ZSWIM8: variants seen among roughly 807,000 people sequenced by gnomAD.
ZSWIM8 encodes the protein zinc finger SWIM-type containing 8.
Under a neutral mutation model 173.7 loss-of-function variants are expected in ZSWIM8, and 27 were observed. The ratio of observed to expected loss-of-function variants is 0.16; its 90% confidence interval spans 0.11 to 0.21. The LOEUF (loss-of-function observed/expected upper bound fraction) is 0.21, where lower values mean the gene tolerates loss of function less well. ZSWIM8 is among the 10% of genes least tolerant of loss of function. ZSWIM8 has a pLI of 1.00. For missense variants in ZSWIM8, 1,627 were observed against 2,428.8 expected (o/e 0.67, Z 6.94); for synonymous variants, 958 against 962.0 (o/e 1.00, Z 0.08).
At position 73,801,041 on chromosome 10, in the gene ZSWIM8, G is replaced by T; in HGVS notation, c.5147G>T (p.Cys1716Phe). ...KLGVNYVHQF[C>F]VGAAKGVLSP... ...GGAGTGAACTACGTGCACCAGTTCT[G>T]TGTGGGGGCAGCCAAGGGGGTGCTG... Residue 1716 changes from cysteine (C) to phenylalanine (F), a missense_variant, in exon 25 of 26, where the codon TGT (cysteine) becomes TTT (phenylalanine). By Grantham distance (205) the Cys-to-Phe change is radical. Around this residue, in one of 18 missense-constraint regions of ZSWIM8, gnomAD observed 122 missense variants for 196.1 expected, o/e 0.62. Transcript: ENST00000604729. The surrounding 1 kb of genome is among the most constrained non-coding windows in gnomAD (Gnocchi z 4.9). 6.4e-7 allele frequency: 1 copy of T among 1,554,434 alleles called. No individual in the cohort carries two copies.
chr10:73,785,707 T>C lies in ZSWIM8; in HGVS notation c.-172T>C, dbSNP rs1391274318. ...CACCGCGCTGTTGGGCGAGGCCCGG[T>C]CCCGTCTCTTTCCCAGGCCTGAGAT... On this transcript the variant is annotated 5_prime_UTR_variant, in exon 1 of 26. Transcript: ENST00000604729. The C allele has an allele frequency of 1.4e-6, 1 of 714,928 alleles. No homozygotes were observed. Among genetic ancestry groups the C allele is most frequent in the Admixed American group, 2.1e-5 (1 of 46,554 alleles). The allele number at this position is 714,928 out of a possible 1,614,324, so 44.3% of individuals were successfully genotyped here.
intron 10 of ZSWIM8, 51 bp from the exon 11 acceptor site, chr10:73,793,537 G>C: frequency 1.3e-6 from 2 of 1,529,052 alleles, no homozygotes; most frequent in Non-Finnish European, 1.8e-6. Flanking sequence ...ATGATGTCCT[G>C]CTCCTGGAAG....
chr10:73,799,899 C>A, intron 21 of ZSWIM8, 112 bp from the exon 22 acceptor site: 2 of 921,914 alleles, frequency 2.2e-6, no homozygotes, highest in Non-Finnish European at 3.2e-6. Flanking sequence ...GAGGACAGAG[C>A]GAGACTCTAT....
rs1417073589 is a variant in ZSWIM8 at position 73,792,836 on chromosome 10, A to G, written c.2297A>G (p.Gln766Arg). Residue 766 changes from glutamine to arginine, a missense_variant, in exon 10 of 26, where the codon CAG becomes CGG. Physicochemically the swap from Gln to Arg is conservative, Grantham distance 43. Transcript: ENST00000604729. The surrounding 1 kb of genome is among the most constrained non-coding windows in gnomAD (Gnocchi z 4.3). The stretch of plus-strand genomic sequence containing the variant: ...TTTGCTGGGCTGAAGCCACTGGAAC[A>G]GGAGAGTCGCATGGAGGTGAGGGGA... ...DLFAGLKPLEQESRMEVLFAC... is the reference protein window; with the variant it reads ...DLFAGLKPLERESRMEVLFAC... The G allele has an allele frequency of 3.2e-6, 5 of 1,572,546 alleles. No individual in the cohort carries two copies. The highest frequency in any genetic ancestry group is 4.3e-6 in the Non-Finnish European group (5 of 1,163,418).
intron 15 of ZSWIM8, chr10:73,796,526 T>C (rs928992820): frequency 1.8e-6 from 1 of 552,090 alleles, no homozygotes; most frequent in Non-Finnish European, 3.3e-6. Context: ...CATTCACTTA[T>C]TTCAGTATTT....
rs2083868874 is a variant in ZSWIM8, at chr10:73,800,171, G to C, written c.4825+1G>C. 1.9e-6 allele frequency: 3 copies of C among 1,613,538 alleles called. No individual in the cohort carries two copies. Among genetic ancestry groups the C allele is most frequent in the Non-Finnish European group, 2.5e-6 (3 of 1,179,812 alleles). On this transcript the variant is annotated splice_donor_variant, in intron 22 of 25. Transcript: ENST00000604729. LOFTEE classifies it high-confidence loss of function. The surrounding 1 kb of genome is among the most constrained non-coding windows in gnomAD (Gnocchi z 4.1). ...CTTCCACTGCCCACCAGTGTGGCCT[G>C]TGAGTTGTGGGGCCAGGGAACAGGT...
In ZSWIM8 at chr10:73,800,368, C is replaced by G. The variant is rs952867121; in HGVS notation, c.4898C>G (p.Pro1633Arg). The stretch of plus-strand genomic sequence containing the variant: ...TCACTGCCTGCCCTGACCACACAGC[C>G]CAGCCCTCTGGTGAGCGGAGGTTTT... ...GASLPALTTQPSPLVSGGFPP... is the reference protein window; with the variant it reads ...GASLPALTTQRSPLVSGGFPP... The change falls in exon 23 of 26, where the codon CCC (proline) becomes CGC (arginine). Residue 1633 changes from proline (P) to arginine (R), a missense_variant. Pro to Arg is a moderately radical substitution (Grantham distance 103). Transcript: ENST00000604729. The surrounding 1 kb of genome is among the most constrained non-coding windows in gnomAD (Gnocchi z 4.1). 2 of 1,613,846 alleles carry G rather than the reference C, an allele frequency of 1.2e-6. No homozygotes were observed. Among genetic ancestry groups the G allele is most frequent in the African/African-American group, 2.7e-5 (2 of 74,898 alleles).
chr10:73,786,055 C>T lies in ZSWIM8; in HGVS notation c.177C>T (p.Gly59=), dbSNP rs766830130. The T allele has an allele frequency of 1.9e-6, 3 of 1,589,900 alleles. No homozygotes were observed. Among genetic ancestry groups the T allele is most frequent in the South Asian group, 2.3e-5 (2 of 88,360 alleles). Residue 59 remains glycine (G), a synonymous_variant, in exon 1 of 26, where the codon GGC becomes GGT. Coordinates refer to ENST00000604729, the MANE Select transcript of ZSWIM8 (RefSeq NM_001367799.1). ...CCAATTCCCCCACTGGCGGCGGTGG[C>T]GGAGGTGGCAGTGGCGGTACCAGAA... ...AGPNSPTGGG[G]GGGSGGTRMR... is the part of the protein sequence containing the mutation.
At chr10:73,793,758 T>G (rs755769914) in intron 11 of ZSWIM8, 39 bp downstream of exon 11, 3 of 1,402,206 alleles carry the variant, frequency 2.1e-6, no homozygotes, top group African/African-American at 3.0e-5. Flanking sequence ...CTCCCCCACT[T>G]ACCCCCAACC....
At chr10:73,786,198 G>T in intron 1 of ZSWIM8, 112 bp downstream of exon 1, 1 of 1,234,302 alleles carries the variant, frequency 8.1e-7, no homozygotes, top group Admixed American at 3.1e-5. Context: ...ACCAGGGGAA[G>T]AAAGGGGAGC....
intron 1 of ZSWIM8, among the ~76,000 whole-genome samples, chr10:73,787,739 G>C (rs2083276128): frequency 6.6e-6 from 1 of 152,096 alleles, no homozygotes. Flanking sequence ...TGTAATCTCA[G>C]CTACTTGGGA....
Position 73,801,677 on chromosome 10 carries a change from T to G in ZSWIM8, c.*158T>G. 6.5e-7 allele frequency: 1 copy of G among 1,534,610 alleles called. No individual in the cohort carries two copies. Among genetic ancestry groups the G allele is most frequent in the East Asian group, 2.4e-5 (1 of 40,852 alleles). On this transcript the variant is annotated 3_prime_UTR_variant, in exon 26 of 26. Transcript: ENST00000604729. This position sits in a 1 kb window ranked among gnomAD's most constrained non-coding sequence, Gnocchi z 4.9. The stretch of plus-strand genomic sequence containing the variant: ...CTTGGGCTATAGCTTGGGGCCAAGA[T>G]GTCTCACACCCTAGAAGCCTAGGGC...
In ZSWIM8 at chr10:73,789,032, C is replaced by T. The variant is rs957444087; in HGVS notation, c.363-64C>T. 1 of 1,438,882 alleles carries T rather than the reference C, an allele frequency of 6.9e-7. No individual in the cohort carries two copies. The highest frequency in any genetic ancestry group is 9.4e-7 in the Non-Finnish European group (1 of 1,059,768). The allele number at this position is 1,438,882 out of a possible 1,614,324, so 89.1% of individuals were successfully genotyped here. A position where few individuals can be genotyped will look rare whatever the true frequency, so the allele number is the denominator to read the frequency against. The stretch of plus-strand genomic sequence containing the variant: ...GAGAGAGTGCCTAGGGCATTGTGGT[C>T]TCTGACAGGGTCTGCCAAAGGTTAT... On this transcript the variant is annotated intron_variant, in intron 2 of 25. Coordinates refer to ENST00000604729, the MANE Select transcript of ZSWIM8 (RefSeq NM_001367799.1). The surrounding 1 kb of genome is among the most constrained non-coding windows in gnomAD (Gnocchi z 6.8).
chr10:73,795,140 G>A (rs2132731642), intron 14 of ZSWIM8, among the ~76,000 whole-genome samples: 1 of 152,100 alleles, frequency 6.6e-6, no homozygotes, highest in Non-Finnish European at 1.5e-5. Context: ...TATGGGTATT[G>A]GGTATTGTAA....
Position 73,801,583 on chromosome 10 carries a change from GGGGGA to G in ZSWIM8, c.*66_*70del. On this transcript the variant is annotated 3_prime_UTR_variant, in exon 26 of 26. Transcript: ENST00000604729. The surrounding 1 kb of genome is among the most constrained non-coding windows in gnomAD (Gnocchi z 4.9). ...TGTGGCTATGGGGGCCCCTCACACA[GGGGGA>G]GTGAAACTTGGCTGGACAGATCATC... The G allele has an allele frequency of 2.5e-6, 4 of 1,579,576 alleles. No individual in the cohort carries two copies. Among genetic ancestry groups the G allele is most frequent in the Non-Finnish European group, 3.4e-6 (4 of 1,165,940 alleles).
Position 73,792,605 on chromosome 10 carries a change from CT to C in ZSWIM8, c.2067del (p.Gly690AlafsTer45). 6.2e-7 allele frequency: 1 copy of C among 1,614,028 alleles called. No homozygotes were observed. Among genetic ancestry groups the C allele is most frequent in the Non-Finnish European group, 8.5e-7 (1 of 1,179,864 alleles). On this transcript the variant is annotated frameshift_variant, in exon 10 of 26. Transcript: ENST00000604729. LOFTEE classifies it high-confidence loss of function. This position sits in a 1 kb window ranked among gnomAD's most constrained non-coding sequence, Gnocchi z 4.3. Reference protein sequence around the residue: ...PEPPTASVGPPGLLPGDVCTQ... With the variant: ...PEPPTASVGPXGLLPGDVCTQ... ...CCTCCCACAGCCTCTGTTGGCCCCC[CT>C]GGCCTACTGCCTGGGGATGTCTGTA... is the stretch of plus-strand genomic sequence containing the variant.
At chr10:73,786,939 A>G (rs1055722700) in intron 1 of ZSWIM8, among the ~76,000 whole-genome samples, 4 of 136,178 alleles carry the variant, frequency 2.9e-5, no homozygotes, top group Admixed American at 2.3e-4. Context: ...ATTTACATAT[A>G]TCACTTTTTT....
rs1308425446 is a variant in ZSWIM8, at chr10:73,785,677, G to C, written c.-202G>C. ...GTCTCGGAGACTGGCCAAGATCACC[G>C]CTTGCACCGCGCTGTTGGGCGAGGC... is the stretch of plus-strand genomic sequence containing the variant. On this transcript the variant is annotated 5_prime_UTR_variant, in exon 1 of 26. Coordinates refer to ENST00000604729, the MANE Select transcript of ZSWIM8 (RefSeq NM_001367799.1). 1 of 654,022 alleles carries C rather than the reference G, an allele frequency of 1.5e-6. No individual in the cohort carries two copies. The highest frequency in any genetic ancestry group is 2.2e-5 in the Admixed American group (1 of 46,216). The allele number at this position is 654,022 out of a possible 1,614,324, so 40.5% of individuals were successfully genotyped here.
In ZSWIM8 at chr10:73,791,032, A is replaced by G. The variant is rs191803425; in HGVS notation, c.999A>G (p.Ala333=). ...AGCCGCCAGCCGCTGCTGAATGGGC[A>G]TGTCTGCTGCGCCCTCTGAGGGGCC... The part of the protein sequence containing the change: ...STEPPAAAEW[A]CLLRPLRGRE... The change falls in exon 8 of 26, where the codon GCA becomes GCG. Residue 333 remains alanine (A), a synonymous_variant. Transcript: ENST00000604729. The surrounding 1 kb of genome is among the most constrained non-coding windows in gnomAD (Gnocchi z 6.0). The G allele has an allele frequency of 8.9e-4, 1,442 of 1,613,694 alleles. 17 individuals are homozygous for G. The African/African-American group carries it at 0.017, about 19-fold the overall frequency.
Sources: gnomAD v4.1 joint callset for allele counts (sites outside exome capture counted in the v4.1 genomes callset) on GRCh38, gnomAD v4.1.1 for gene constraint, gnomAD v4.1.1 regional missense constraint, Gnocchi (gnomAD v3.1) non-coding constraint, MANE v1.5 for transcripts, NCBI Gene and HGNC (gene_info 2026-07-23, HGNC 2026-07-21) for gene names.